Variants in ZSCAN31 observed in about 807,000 individuals in gnomAD.
The protein encoded by ZSCAN31 is zinc finger and SCAN domain-containing protein 31.
ZSCAN31 carries 14 observed loss-of-function variants against 22.5 expected under a neutral mutation model. That is an observed-to-expected ratio of 0.62 (90% confidence interval 0.41 to 0.97). The LOEUF (loss-of-function observed/expected upper bound fraction) is 0.97. Among genes scored for constraint, ZSCAN31 ranks in the 50% least tolerant of loss-of-function variants. The probability of loss-of-function intolerance (pLI) is 0.00; values close to 1 mark genes in which losing one functional copy is unlikely to be tolerated. For synonymous variants in ZSCAN31, 168 were observed against 169.8 expected, an observed-to-expected ratio of 0.99 and a Z score of 0.08; for missense variants, 424 against 483.4, an observed-to-expected ratio of 0.88 and a Z score of 1.15.
chr6:28,343,808 G>A (rs1218791516), intron 2 of ZSCAN31, among the ~76,000 whole-genome samples: 1 of 152,118 alleles, frequency 6.6e-6, no homozygotes, highest in Non-Finnish European at 1.5e-5. Flanking sequence ...GATTACAGGT[G>A]TGAGCCACTG....
At chr6:28,330,718 TAGG>T (rs1436422768) in intron 1 of ZSCAN31, among the ~76,000 whole-genome samples, 1 of 152,170 alleles carries the variant, frequency 6.6e-6, no homozygotes, top group African/African-American at 2.4e-5. Context: ...ATGGTAGCTC[TAGG>T]AGGAGAACAG....
intron 2 of ZSCAN31, among the ~76,000 whole-genome samples, chr6:28,343,705 C>A (rs986151598): frequency 6.6e-6 from 1 of 151,670 alleles, no homozygotes; most frequent in East Asian, 1.9e-4. Flanking sequence ...TTTTGTATTT[C>A]GTTTAGTAGA....
chr6:28,348,919 ATG>A (rs1245260038), intron 2 of ZSCAN31, among the ~76,000 whole-genome samples: 1 of 151,810 alleles, frequency 6.6e-6, no homozygotes, highest in Non-Finnish European at 1.5e-5. Context: ...GTGTATATAC[ATG>A]TCTTATACAT....
At chr6:28,336,543 C>G (rs138512622), upstream of ZSCAN31, among the ~76,000 whole-genome samples, 1 of 152,216 alleles carries the variant, frequency 6.6e-6, no homozygotes, top group Non-Finnish European at 1.5e-5. Flanking sequence ...AATAAAGTTT[C>G]TGTTGGGGAG....
intron 2 of ZSCAN31, among the ~76,000 whole-genome samples, chr6:28,344,765 G>A (rs1764565870): frequency 6.6e-6 from 1 of 152,028 alleles, no homozygotes; most frequent in African/African-American, 2.4e-5. Context: ...TATCTTTGTG[G>A]CTACAGGTAA....
At chr6:28,330,992 A>T (rs945889972) in intron 1 of ZSCAN31, among the ~76,000 whole-genome samples, 9 of 152,200 alleles carry the variant, frequency 5.9e-5, no homozygotes, top group African/African-American at 2.2e-4. Context: ...CAATGGCGAT[A>T]AAGACAGGCA....
At chr6:28,339,220 A>C (rs1764316197), upstream of ZSCAN31, among the ~76,000 whole-genome samples, 1 of 152,038 alleles carries the variant, frequency 6.6e-6, no homozygotes, top group East Asian at 1.9e-4. Context: ...TTTTGTTATA[A>C]TTTGCTTCCT....
Position 28,331,437 on chromosome 6 carries a change from T to A in ZSCAN31, c.-95-1659A>T, listed in dbSNP as rs564374728. Reference sequence around the variant, plus strand: ...ATTCCAATATTATGTGTCTACTAGGTGTCTGGAATAAAGGAACGGTCCCTA... The same window carrying A: ...ATTCCAATATTATGTGTCTACTAGGAGTCTGGAATAAAGGAACGGTCCCTA... On this transcript the variant is annotated intron_variant, in intron 1 of 3. Transcript: ENST00000344279. The surrounding 1 kb of genome is among the most constrained non-coding windows in gnomAD (Gnocchi z 4.8). 5.9e-5 allele frequency among the ~76,000 whole-genome samples: 9 copies of A among 152,308 alleles called. No individual in the cohort carries two copies. The highest frequency in any genetic ancestry group is 2.2e-4 in the African/African-American group (9 of 41,584).
chr6:28,329,612 T>A lies in ZSCAN31; in HGVS notation c.72A>T (p.Glu24Asp), dbSNP rs1763589606. The A allele has an allele frequency of 6.2e-7, 1 of 1,614,076 alleles. No individual in the cohort carries two copies. Among genetic ancestry groups the A allele is most frequent in the Non-Finnish European group, 8.5e-7 (1 of 1,180,038 alleles). ...KVEEDPIWDQ[E>D]THLRGNNFSG... ...AAAAGTTGTTCCCTCGAAGGTGGGT[T>A]TCTTGGTCCCAGATAGGGTCTTCCT... The change falls in exon 2 of 4, where the codon GAA (glutamate) becomes GAT (aspartate). Residue 24 changes from glutamate to aspartate, a missense_variant. Coordinates refer to ENST00000344279, the MANE Select transcript of ZSCAN31 (RefSeq NM_030899.5).
upstream of ZSCAN31, chr6:28,337,059 A>C (rs976165306): frequency 6.6e-6 from 1 of 152,266 alleles, no homozygotes; most frequent in Non-Finnish European, 1.5e-5. Flanking sequence ...CATGCTAAGT[A>C]CGTATGTAGG....
chr6:28,340,604 T>C (rs539867265), upstream of ZSCAN31, among the ~76,000 whole-genome samples: 1 of 152,246 alleles, frequency 6.6e-6, no homozygotes, highest in African/African-American at 2.4e-5. Context: ...CCTCTCTTTA[T>C]AAATTACCCA....
chr6:28,335,513 G>A (rs952597341), intron 1 of ZSCAN31: 1 of 152,170 alleles, frequency 6.6e-6, no homozygotes, highest in African/African-American at 2.4e-5. Context: ...CCTTTATTAG[G>A]ACTATAAGCC....
At position 28,325,544 on chromosome 6, in the gene ZSCAN31, C is replaced by A. The variant is rs1158744119; in HGVS notation, c.*622G>T. On this transcript the variant is annotated 3_prime_UTR_variant, in exon 4 of 4. Transcript: ENST00000344279. ...TAGATATGAAATGAGACATAGATTTCTAAACCATTAAAACTACAGGTTTCA... is the reference window on the plus strand; with the variant it reads ...TAGATATGAAATGAGACATAGATTTATAAACCATTAAAACTACAGGTTTCA... The A allele has an allele frequency of 6.6e-6, 1 of 150,964 alleles. No individual in the cohort carries two copies. The highest frequency in any genetic ancestry group is 2.5e-5 in the African/African-American group (1 of 40,468). The allele number at this position is 150,964 out of a possible 1,614,324, so 9.4% of individuals were successfully genotyped here. A position where few individuals can be genotyped will look rare whatever the true frequency, so the allele number is the denominator to read the frequency against.
In ZSCAN31 at chr6:28,325,790, G is replaced by A. The variant is rs1763219179; in HGVS notation, c.*376C>T. On this transcript the variant is annotated 3_prime_UTR_variant, in exon 4 of 4. Coordinates refer to ENST00000344279, the MANE Select transcript of ZSCAN31 (RefSeq NM_030899.5). ...ACATAGATACTGGTCTTTTAGAATT[G>A]TTCAATATGCAGTATTGCTCAAAAA... The A allele has an allele frequency of 3.6e-5, 6 of 165,874 alleles. No individual in the cohort carries two copies. The highest frequency in any genetic ancestry group is 2.8e-4 in the Admixed American group (5 of 17,666). The allele number at this position is 165,874 out of a possible 1,614,324, so 10.3% of individuals were successfully genotyped here.
At chr6:28,355,126 A>G (rs1765338452), upstream of ZSCAN31, among the ~76,000 whole-genome samples, 1 of 152,206 alleles carries the variant, frequency 6.6e-6, no homozygotes, top group African/African-American at 2.4e-5. Context: ...GTGAAGGCTC[A>G]GGATCTAGGG....
At chr6:28,350,657 CTAT>C (rs1326687768) in intron 2 of ZSCAN31, among the ~76,000 whole-genome samples, 1 of 152,084 alleles carries the variant, frequency 6.6e-6, no homozygotes, top group East Asian at 1.9e-4. Context: ...ATTAGTGGTA[CTAT>C]TATTATTTAT....
At chr6:28,345,847 T>A (rs1172989025) in intron 2 of ZSCAN31, among the ~76,000 whole-genome samples, 5 of 152,186 alleles carry the variant, frequency 3.3e-5, no homozygotes, top group Non-Finnish European at 7.4e-5. Context: ...AGTGCCAACT[T>A]ACATATGATA....
chr6:28,345,985 T>G lies in ZSCAN31; in HGVS notation c.-370-4193A>C, dbSNP rs371422297. Among the ~76,000 whole-genome samples the G allele has an allele frequency of 1.1e-4, 16 of 152,186 alleles. No individual in the cohort carries two copies. In the East Asian group the frequency reaches 2.1e-3, roughly 20 times the overall value. Reference sequence around the variant, plus strand: ...GGGAACAAAGGAGTAGAGGTAGAAGTAGCTCTGAATTCCCTCACTCCTAGA... The same window carrying G: ...GGGAACAAAGGAGTAGAGGTAGAAGGAGCTCTGAATTCCCTCACTCCTAGA... On this transcript the variant is annotated intron_variant, in intron 2 of 7. Transcript: ENST00000396838.
intron 2 of ZSCAN31, 77 bp downstream of exon 2, chr6:28,329,226 A>G: frequency 4.0e-6 from 6 of 1,506,398 alleles, no homozygotes; most frequent in Non-Finnish European, 5.3e-6. Context: ...ATATAGCTAT[A>G]GCCAACCAAC....
Sources: allele counts gnomAD v4.1 joint callset (sites outside exome capture counted in the v4.1 genomes callset), GRCh38; gene constraint gnomAD v4.1.1; non-coding constraint Gnocchi (gnomAD v3.1); transcripts MANE v1.5; gene names NCBI Gene and HGNC (gene_info 2026-07-23, HGNC 2026-07-21).